FER1L6: variants seen among roughly 807,000 people sequenced by gnomAD.
FER1L6 encodes fer-1 like family member 6, also known as fer-1-like protein 6.
In FER1L6, 177 loss-of-function variants were observed where a neutral mutation model predicts 219.2. That is an observed-to-expected ratio of 0.81 (90% CI 0.71 to 0.91). The LOEUF is 0.91. Among genes scored for constraint, FER1L6 ranks in the 40% least tolerant of loss-of-function variants. The pLI, the probability that FER1L6 is intolerant of heterozygous loss-of-function variation, is 0.00. For missense variants in FER1L6, 2,153 were observed against 2,259.9 expected, an observed-to-expected ratio of 0.95 and a Z score of 0.96; for synonymous variants, 768 against 824.3, an observed-to-expected ratio of 0.93 and a Z score of 1.17.
At chr8:123,884,162 G>T (rs1263682684) in intron 1 of FER1L6, among the ~76,000 whole-genome samples, 11 of 152,240 alleles carry the variant, frequency 7.2e-5, no homozygotes, top group Non-Finnish European at 2.9e-5. Flanking sequence ...CAGCCTAGGT[G>T]CCATTCACAA....
At chr8:123,879,643 C>A (rs563569736) in intron 1 of FER1L6, among the ~76,000 whole-genome samples, 1 of 147,238 alleles carries the variant, frequency 6.8e-6, no homozygotes, top group Non-Finnish European at 1.5e-5. Flanking sequence ...TATTATTTAA[C>A]GTCACTTAAA....
chr8:123,890,170 T>C (rs938324109), intron 1 of FER1L6, among the ~76,000 whole-genome samples: 1 of 152,134 alleles, frequency 6.6e-6, no homozygotes, highest in Non-Finnish European at 1.5e-5. Context: ...TTTACTCTTC[T>C]GCATAGGTAA....
At chr8:124,033,113 T>A (rs1241160084) in intron 18 of FER1L6, among the ~76,000 whole-genome samples, 2 of 152,184 alleles carry the variant, frequency 1.3e-5, no homozygotes, top group Non-Finnish European at 2.9e-5. Flanking sequence ...ATGATAGAAG[T>A]GCTCAACATG....
chr8:123,864,694 T>C (rs1816802240), intron 1 of FER1L6, among the ~76,000 whole-genome samples: 2 of 149,244 alleles, frequency 1.3e-5, no homozygotes, highest in African/African-American at 5.1e-5. Flanking sequence ...TTATTCTTTT[T>C]TCTCTAAACT....
chr8:124,104,725 AG>A (rs1822691449), intron 39 of FER1L6, among the ~76,000 whole-genome samples: 1 of 152,244 alleles, frequency 6.6e-6, no homozygotes, highest in African/African-American at 2.4e-5. Flanking sequence ...CAGTAAATTT[AG>A]ATGCATGATC....
chr8:124,086,975 G>C (rs1440574920), intron 33 of FER1L6, among the ~76,000 whole-genome samples: 1 of 151,954 alleles, frequency 6.6e-6, no homozygotes, highest in Non-Finnish European at 1.5e-5. Flanking sequence ...GAACTCCTTT[G>C]TATGTTATTT....
At chr8:124,096,356 G>A (rs1221765507) in intron 35 of FER1L6, among the ~76,000 whole-genome samples, 2 of 152,044 alleles carry the variant, frequency 1.3e-5, no homozygotes, top group Non-Finnish European at 2.9e-5. Context: ...TTCCTCTGAA[G>A]AGCCATTATT....
intron 23 of FER1L6, 71 bp downstream of exon 23, chr8:124,060,361 GAGGTGA>G (rs2130823531): frequency 1.3e-6 from 2 of 1,498,372 alleles, no homozygotes; most frequent in Non-Finnish European, 1.9e-6. Flanking sequence ...AATTGTAGGA[GAGGTGA>G]TATGGAATGG....
At chr8:123,942,636 T>A (rs1814287150) in intron 1 of FER1L6, among the ~76,000 whole-genome samples, 1 of 152,146 alleles carries the variant, frequency 6.6e-6, no homozygotes, top group South Asian at 2.1e-4. Context: ...AATCTCTGCC[T>A]CCATCTCCAC....
At chr8:124,060,391 A>G in intron 23 of FER1L6, 101 bp downstream of exon 23, 1 of 1,436,338 alleles carries the variant, frequency 7.0e-7, no homozygotes, top group Non-Finnish European at 9.7e-7. Flanking sequence ...GGAGACCTAG[A>G]GAAAAAGAAT....
chr8:124,059,013 T>C (rs931475010), intron 22 of FER1L6: 18 of 152,210 alleles, frequency 1.2e-4, no homozygotes, highest in African/African-American at 4.1e-4. Context: ...TTTTGCAGAT[T>C]TTGATGCACA....
At chr8:124,107,438 T>C (rs1032982237) in intron 39 of FER1L6, among the ~76,000 whole-genome samples, 3 of 152,018 alleles carry the variant, frequency 2.0e-5, no homozygotes, top group Non-Finnish European at 2.9e-5. Context: ...GATCAAAAGA[T>C]TTAGATAGAT....
At chr8:124,087,031 T>C (rs913814471) in intron 33 of FER1L6, among the ~76,000 whole-genome samples, 3 of 152,180 alleles carry the variant, frequency 2.0e-5, no homozygotes, top group Non-Finnish European at 4.4e-5. Context: ...CCTTGACCTT[T>C]GGGAGTTTGA....
chr8:123,899,441 ATTTTC>A (rs1245861843), intron 1 of FER1L6, among the ~76,000 whole-genome samples: 1 of 151,464 alleles, frequency 6.6e-6, no homozygotes, highest in African/African-American at 2.4e-5. Flanking sequence ...GATTGTGAAG[ATTTTC>A]TCCCACTCTG....
At chr8:123,912,930 C>A (rs914234216) in intron 1 of FER1L6, among the ~76,000 whole-genome samples, 1 of 152,154 alleles carries the variant, frequency 6.6e-6, no homozygotes, top group African/African-American at 2.4e-5. Flanking sequence ...TGAGCGATCT[C>A]GGAAGAGAAG....
At chr8:124,017,218 A>G (rs2130605819) in intron 15 of FER1L6, among the ~76,000 whole-genome samples, 1 of 152,212 alleles carries the variant, frequency 6.6e-6, no homozygotes, top group African/African-American at 2.4e-5. Flanking sequence ...AGTCTTTCCT[A>G]TTGTTTTTAA....
chr8:124,094,798 T>C (rs1426029176), intron 34 of FER1L6, 98 bp from the exon 35 acceptor site: 15 of 1,376,104 alleles, frequency 1.1e-5, no homozygotes, highest in Non-Finnish European at 1.5e-5. Flanking sequence ...CTTGGTACAT[T>C]TAAATAAGCC....
chr8:124,052,176 T>G (rs1373841524), intron 22 of FER1L6, among the ~76,000 whole-genome samples: 1 of 152,214 alleles, frequency 6.6e-6, no homozygotes, highest in Non-Finnish European at 1.5e-5. Context: ...GGTCCAGTCT[T>G]AAGTGAGAAT....
chr8:124,084,567 A>T (rs1821707050), intron 33 of FER1L6, among the ~76,000 whole-genome samples: 1 of 152,036 alleles, frequency 6.6e-6, no homozygotes, highest in African/African-American at 2.4e-5. Flanking sequence ...TATCACACTG[A>T]TTGATTGTGT....
Sources: gnomAD v4.1 joint callset for allele counts (sites outside exome capture counted in the v4.1 genomes callset) on GRCh38, gnomAD v4.1.1 for gene constraint, MANE v1.5 for transcripts, NCBI Gene and HGNC (gene_info 2026-07-23, HGNC 2026-07-21) for gene names.